The following ATG5 variants were observed in gnomAD, a reference collection of about 807,000 sequenced individuals.
The protein encoded by ATG5 is autophagy related 5.
ATG5 carries 14 observed loss-of-function variants against 36.5 expected under a neutral mutation model. The ratio of observed to expected loss-of-function variants is 0.38; its 90% CI spans 0.25 to 0.60. ATG5 has a LOEUF of 0.60. Among genes scored for constraint, ATG5 ranks in the 20% least tolerant of loss-of-function variants. The probability of loss-of-function intolerance (pLI) is 0.60; values close to 1 mark genes in which losing one functional copy is unlikely to be tolerated. For synonymous variants in ATG5, 95 were observed against 101.5 expected (o/e 0.94, Z 0.38); for missense variants, 195 against 326.7 (o/e 0.60, Z 3.11).
intron 5 of ATG5, among the ~76,000 whole-genome samples, chr6:106,263,067 C>A (rs1014494235): frequency 6.6e-6 from 1 of 152,224 alleles, no homozygotes. Flanking sequence ...CCCACTCCTA[C>A]GGAGCCCAGC....
At chr6:106,219,209 G>A (rs921897208) in intron 6 of ATG5, among the ~76,000 whole-genome samples, 2 of 152,010 alleles carry the variant, frequency 1.3e-5, no homozygotes, top group Non-Finnish European at 2.9e-5. Flanking sequence ...TGGATTTCCG[G>A]GTCTTCAGCT....
At chr6:106,269,543 C>G (rs1779364163) in intron 5 of ATG5, among the ~76,000 whole-genome samples, 2 of 152,238 alleles carry the variant, frequency 1.3e-5, no homozygotes, top group Non-Finnish European at 2.9e-5. Flanking sequence ...GTCCCGAGCC[C>G]TGCCCCGCGG....
At chr6:106,306,637 A>G (rs979413386) in intron 3 of ATG5, among the ~76,000 whole-genome samples, 3 of 152,240 alleles carry the variant, frequency 2.0e-5, no homozygotes, top group Non-Finnish European at 4.4e-5. Flanking sequence ...CCCGCTAGTC[A>G]CACAAAATTC....
At chr6:106,304,960 G>A (rs113965206) in intron 3 of ATG5, among the ~76,000 whole-genome samples, 7,063 of 152,096 alleles carry the variant, frequency 0.046, 220 homozygotes, top group Non-Finnish European at 0.077. Flanking sequence ...GCGTGGTGGC[G>A]GAAGCCTGCA....
intron 5 of ATG5, among the ~76,000 whole-genome samples, chr6:106,275,793 G>GC (rs1182357324): frequency 6.6e-6 from 1 of 152,192 alleles, no homozygotes; most frequent in Non-Finnish European, 1.5e-5. Context: ...ATAAACATGA[G>GC]CTGTAGCTTG....
intron 5 of ATG5, among the ~76,000 whole-genome samples, chr6:106,274,057 C>A (rs927104938): frequency 1.3e-5 from 2 of 152,122 alleles, no homozygotes; most frequent in African/African-American, 4.8e-5. Flanking sequence ...TTAAACCTTG[C>A]GTTTATTTGC....
At chr6:106,268,878 G>A (rs1218548040) in intron 5 of ATG5, among the ~76,000 whole-genome samples, 5 of 151,672 alleles carry the variant, frequency 3.3e-5, no homozygotes, top group African/African-American at 9.7e-5. Context: ...GGGGCCTGTC[G>A]GTGGGTTGGG....
chr6:106,282,837 A>T (rs1779933003), intron 4 of ATG5, among the ~76,000 whole-genome samples: 1 of 151,754 alleles, frequency 6.6e-6, no homozygotes, highest in Admixed American at 6.6e-5. Context: ...CCCAGGCTGG[A>T]GCACAGTGGC....
chr6:106,307,599 T>C (rs894851160), intron 3 of ATG5, among the ~76,000 whole-genome samples: 5 of 150,592 alleles, frequency 3.3e-5, no homozygotes, highest in Non-Finnish European at 5.9e-5. Context: ...GAGTGGAATG[T>C]TGTGATAGCT....
intron 5 of ATG5, among the ~76,000 whole-genome samples, chr6:106,276,131 T>C (rs779121140): frequency 2.0e-5 from 3 of 152,212 alleles, no homozygotes; most frequent in Non-Finnish European, 4.4e-5. Flanking sequence ...TCTACAGATA[T>C]CAATGAAGCA....
intron 6 of ATG5, among the ~76,000 whole-genome samples, chr6:106,228,029 G>A (rs1196461709): frequency 6.6e-6 from 1 of 152,174 alleles, no homozygotes; most frequent in Non-Finnish European, 1.5e-5. Context: ...CTAACAAGGA[G>A]GGGCTTAAAC....
At chr6:106,269,140 A>T (rs1352268154) in intron 5 of ATG5, among the ~76,000 whole-genome samples, 2 of 152,166 alleles carry the variant, frequency 1.3e-5, no homozygotes, top group Non-Finnish European at 1.5e-5. Context: ...AGCTAGATAC[A>T]AAGTGTCGAC....
chr6:106,260,690 A>G (rs1031860938), intron 5 of ATG5, among the ~76,000 whole-genome samples: 4 of 152,254 alleles, frequency 2.6e-5, no homozygotes, highest in African/African-American at 7.2e-5. Context: ...TTCACATAAA[A>G]GGATTCTGAA....
At chr6:106,222,040 C>T (rs554788779) in intron 6 of ATG5, among the ~76,000 whole-genome samples, 11 of 151,958 alleles carry the variant, frequency 7.2e-5, no homozygotes, top group African/African-American at 1.2e-4. Context: ...TACAGGTGTG[C>T]GTCACCCTGC....
At chr6:106,254,638 C>T (rs1345554061) in intron 5 of ATG5, among the ~76,000 whole-genome samples, 3 of 152,330 alleles carry the variant, frequency 2.0e-5, no homozygotes, top group Middle Eastern at 3.4e-3. Flanking sequence ...TGAGTTTTAG[C>T]AAGACACTTA....
At chr6:106,293,453 T>A (rs1780400874) in intron 3 of ATG5, among the ~76,000 whole-genome samples, 1 of 152,190 alleles carries the variant, frequency 6.6e-6, no homozygotes, top group Non-Finnish European at 1.5e-5. Flanking sequence ...GTAAATTTAT[T>A]TAAATATGTT....
chr6:106,272,313 C>G (rs1779483719), intron 5 of ATG5, among the ~76,000 whole-genome samples: 1 of 152,206 alleles, frequency 6.6e-6, no homozygotes, highest in African/African-American at 2.4e-5. Context: ...TCACTGGTCT[C>G]CTACCATCCC....
chr6:106,237,038 A>C (rs796084658), intron 6 of ATG5, among the ~76,000 whole-genome samples: 27 of 152,338 alleles, frequency 1.8e-4, no homozygotes, highest in African/African-American at 6.5e-4. Flanking sequence ...AAGAATTCTC[A>C]AATTATTAAC....
intron 6 of ATG5, among the ~76,000 whole-genome samples, chr6:106,214,921 A>C (rs1014661796): frequency 1.3e-5 from 2 of 152,194 alleles, no homozygotes; most frequent in African/African-American, 2.4e-5. Context: ...CTTAGTAATA[A>C]TTAGGTAAAT....
Sources: gnomAD v4.1 joint callset for allele counts (sites outside exome capture counted in the v4.1 genomes callset) on GRCh38, gnomAD v4.1.1 for gene constraint, MANE v1.5 for transcripts, NCBI Gene and HGNC (gene_info 2026-07-23, HGNC 2026-07-21) for gene names.